TTLL9: variants seen among roughly 807,000 people sequenced by gnomAD.
TTLL9 encodes tubulin tyrosine ligase like 9, also known as probable tubulin polyglutamylase TTLL9.
A neutral mutation model predicts 65.6 loss-of-function variants in TTLL9; 47 were observed. The ratio of observed to expected loss-of-function variants is 0.72; its 90% CI spans 0.57 to 0.91. The LOEUF is 0.91. TTLL9 is among the 40% of genes least tolerant of loss of function. The probability of loss-of-function intolerance (pLI) is 0.00; values close to 1 mark genes in which losing one functional copy is unlikely to be tolerated. For missense variants in TTLL9, 537 were observed against 568.8 expected, an observed-to-expected ratio of 0.94 and a Z score of 0.57; for synonymous variants, 179 against 204.8, an observed-to-expected ratio of 0.87 and a Z score of 1.07.
intron 2 of TTLL9, chr20:31,883,963 A>G: frequency 2.3e-6 from 1 of 437,712 alleles, no homozygotes; most frequent in Non-Finnish European, 4.2e-6. Flanking sequence ...CAAGAAAAAG[A>G]AATAAAAAGC....
chr20:31,920,879 G>A (rs1160771725), intron 7 of TTLL9, among the ~76,000 whole-genome samples: 2 of 152,234 alleles, frequency 1.3e-5, no homozygotes, highest in East Asian at 1.9e-4. Flanking sequence ...CCCATCAAGT[G>A]TGTGACCCTT....
At chr20:31,887,082 C>G (rs148886837) in intron 2 of TTLL9, 114 bp from the exon 3 acceptor site, 5 of 1,052,902 alleles carry the variant, frequency 4.7e-6, no homozygotes, top group Non-Finnish European at 7.2e-6. Flanking sequence ...GTCTCAGAAC[C>G]TAGGCATTGT....
intron 6 of TTLL9, among the ~76,000 whole-genome samples, chr20:31,911,831 C>CGT (rs55996863): frequency 0.054 from 7,652 of 142,198 alleles, 187 homozygotes; most frequent in Middle Eastern, 0.11. Context: ...TGTGTCTGTG[C>CGT]GTGTGTGTGT....
intron 10 of TTLL9, among the ~76,000 whole-genome samples, chr20:31,931,458 T>C (rs2123611369): frequency 6.6e-6 from 1 of 152,236 alleles, no homozygotes; most frequent in East Asian, 1.9e-4. Context: ...GTATTTCGTG[T>C]ACATACAGGG....
intron 2 of TTLL9, among the ~76,000 whole-genome samples, chr20:31,873,191 C>T (rs1204836552): frequency 1.3e-5 from 2 of 152,132 alleles, no homozygotes; most frequent in African/African-American, 4.8e-5. Context: ...TTTAGGATGG[C>T]CCCCAGGCTT....
chr20:31,939,511 GAGAA>G (rs2064171804), intron 14 of TTLL9: 1 of 350,216 alleles, frequency 2.9e-6, no homozygotes, highest in Admixed American at 4.4e-5. Context: ...TTGAAAACTA[GAGAA>G]AGAAATAAAA....
Position 31,933,896 on chromosome 20 carries a change from C to T in TTLL9, c.807+38C>T, listed in dbSNP as rs1469271434. The T allele has an allele frequency of 3.1e-6, 5 of 1,595,924 alleles. No homozygotes were observed. In the South Asian group the frequency reaches 4.5e-5, roughly 14 times the overall value. ...GGCTCGGCTATGCACGGGTACAGCC[C>T]TCTGGCGCCAGGTCGGGGTGGGGAG... On this transcript the variant is annotated intron_variant, in intron 11 of 14. Transcript: ENST00000535842.
chr20:31,940,213 G>GA (rs1358719229), intron 14 of TTLL9: 9 of 152,084 alleles, frequency 5.9e-5, no homozygotes, highest in Admixed American at 5.9e-4. Context: ...TGAATTTTTA[G>GA]AAAAAAGAAA....
At chr20:31,942,317 G>T (rs1265978461) in intron 14 of TTLL9, among the ~76,000 whole-genome samples, 1 of 152,230 alleles carries the variant, frequency 6.6e-6, no homozygotes, top group African/African-American at 2.4e-5. Flanking sequence ...TGAACGTCCT[G>T]GGAGAGACGT....
chr20:31,904,744 T>TGGCATTC (rs1429676887), intron 4 of TTLL9, among the ~76,000 whole-genome samples: 8 of 152,188 alleles, frequency 5.3e-5, no homozygotes, highest in African/African-American at 1.9e-4. Flanking sequence ...ATGTATTAGG[T>TGGCATTC]GGCATTCTTC....
chr20:31,882,226 A>C (rs1290070903), intron 2 of TTLL9, among the ~76,000 whole-genome samples: 1 of 152,122 alleles, frequency 6.6e-6, no homozygotes, highest in Non-Finnish European at 1.5e-5. Context: ...CTCAGCTCTG[A>C]GTTGTGCTGG....
At chr20:31,889,038 G>A (rs1469654750) in intron 3 of TTLL9, among the ~76,000 whole-genome samples, 1 of 147,254 alleles carries the variant, frequency 6.8e-6, no homozygotes, top group East Asian at 2.0e-4. Flanking sequence ...TTTTATAAAG[G>A]CACACACACA....
At chr20:31,878,251 T>C (rs1261317520) in intron 2 of TTLL9, among the ~76,000 whole-genome samples, 1 of 152,244 alleles carries the variant, frequency 6.6e-6, no homozygotes, top group African/African-American at 2.4e-5. Context: ...GTAGATTATC[T>C]TGGATTTTTA....
rs1485445762 is a variant in TTLL9, at chr20:31,898,549, T to C, written c.190T>C (p.Trp64Arg). 1.2e-6 allele frequency: 2 copies of C among 1,614,176 alleles called. No homozygotes were observed. Among genetic ancestry groups the C allele is most frequent in the Admixed American group, 3.3e-5 (2 of 60,020 alleles). Residue 64 changes from tryptophan (W) to arginine (R), a missense_variant, in exon 4 of 15, where the codon TGG (tryptophan) becomes CGG (arginine). Trp to Arg is a moderately radical substitution (Grantham distance 101). Around this residue, in one of 3 missense-constraint regions of TTLL9, gnomAD observed 320 missense variants for 311.0 expected, o/e 1.03. Transcript: ENST00000535842. ...LMDVLRHRPG[W>R]VEVKDEGEWD... The stretch of plus-strand genomic sequence containing the variant: ...GGACGTCCTTCGCCACAGGCCAGGA[T>C]GGGTGGAAGTGAAGGAGTAAGACCC...
intron 6 of TTLL9, among the ~76,000 whole-genome samples, chr20:31,912,593 G>A (rs922290474): frequency 7.8e-5 from 10 of 127,502 alleles, no homozygotes; most frequent in African/African-American, 2.7e-4. Context: ...GTGTGTGTGC[G>A]TGTATGTGTA....
chr20:31,930,846 G>GTT (rs899379300), intron 10 of TTLL9, among the ~76,000 whole-genome samples: 1 of 152,080 alleles, frequency 6.6e-6, no homozygotes, highest in African/African-American at 2.4e-5. Context: ...CTGAGACCTG[G>GTT]TTTTAGGTTC....
chr20:31,871,950 T>C (rs1372653950), intron 2 of TTLL9, among the ~76,000 whole-genome samples: 1 of 151,912 alleles, frequency 6.6e-6, no homozygotes, highest in Non-Finnish European at 1.5e-5. Context: ...ATTTTAAAAC[T>C]ATAAATGAGA....
At position 31,908,670 on chromosome 20, in the gene TTLL9, G is replaced by T; in HGVS notation, c.286G>T (p.Val96Leu). The T allele has an allele frequency of 6.2e-7, 1 of 1,614,154 alleles. No homozygotes were observed. The highest frequency in any genetic ancestry group is 8.5e-7 in the Non-Finnish European group (1 of 1,180,020). The change falls in exon 5 of 15, where the codon GTG (valine) becomes TTG (leucine). Residue 96 changes from valine to leucine, a missense_variant. Val to Leu is a conservative substitution (Grantham distance 32, BLOSUM62 1). This residue lies in a region of TTLL9 where 320 missense variants were observed against 311.0 expected (regional missense o/e 1.03). Transcript: ENST00000535842. ...NFDHTYMDEH[V>L]RISHFRNHYE... ...CGACCACACCTACATGGATGAACAT[G>T]TGCGGATCAGTCACTTCCGGAACCA...
intron 6 of TTLL9, among the ~76,000 whole-genome samples, chr20:31,919,496 C>G (rs144043095): frequency 6.6e-6 from 1 of 152,258 alleles, no homozygotes; most frequent in African/African-American, 2.4e-5. Context: ...TAAAGGCAGG[C>G]TGATTTCAGT....
Sources: gnomAD v4.1 joint callset for allele counts (sites outside exome capture counted in the v4.1 genomes callset) on GRCh38, gnomAD v4.1.1 for gene constraint, gnomAD v4.1.1 regional missense constraint, MANE v1.5 for transcripts, NCBI Gene and HGNC (gene_info 2026-07-23, HGNC 2026-07-21) for gene names.